Variants in ROBO2 observed in about 807,000 individuals in gnomAD.
The protein encoded by ROBO2 is roundabout guidance receptor 2, also known as roundabout homolog 2.
Under a neutral mutation model 160.8 loss-of-function variants are expected in ROBO2, and 53 were observed. That is an observed-to-expected ratio of 0.33 (90% CI 0.26 to 0.41). The LOEUF (loss-of-function observed/expected upper bound fraction) is 0.41, where lower values mean the gene tolerates loss of function less well. Ranked by LOEUF, ROBO2 falls within the 10% of genes least tolerant of loss-of-function variation. The probability of loss-of-function intolerance (pLI) is 1.00; values close to 1 mark genes in which losing one functional copy is unlikely to be tolerated. For missense variants in ROBO2, 1,577 were observed against 1,722.4 expected, an observed-to-expected ratio of 0.92 and a Z score of 1.49; for synonymous variants, 664 against 611.7, an observed-to-expected ratio of 1.09 and a Z score of -1.26.
At chr3:77,310,872 A>G (rs1429400670) in intron 2 of ROBO2, among the ~76,000 whole-genome samples, 2 of 151,922 alleles carry the variant, frequency 1.3e-5, no homozygotes, top group Non-Finnish European at 2.9e-5. Flanking sequence ...AAAATAAAAG[A>G]ACAGAAACTC....
chr3:77,267,809 C>G (rs1442194176), intron 2 of ROBO2, among the ~76,000 whole-genome samples: 1 of 152,120 alleles, frequency 6.6e-6, no homozygotes, highest in Non-Finnish European at 1.5e-5. Context: ...CCTCCGCTCT[C>G]TTCCTCTCTC....
chr3:76,712,354 T>C (rs1003545513), intron 2 of ROBO2, among the ~76,000 whole-genome samples: 4 of 152,066 alleles, frequency 2.6e-5, no homozygotes, highest in African/African-American at 9.7e-5. Flanking sequence ...CAGGACTTGA[T>C]CCTATATTTA....
At chr3:76,877,119 A>T (rs1175406942) in intron 2 of ROBO2, among the ~76,000 whole-genome samples, 3 of 152,232 alleles carry the variant, frequency 2.0e-5, no homozygotes, top group Admixed American at 6.5e-5. Context: ...GTACATGAAC[A>T]TGTAATATAA....
intron 2 of ROBO2, among the ~76,000 whole-genome samples, chr3:76,129,579 T>C (rs1265883918): frequency 6.6e-6 from 1 of 152,158 alleles, no homozygotes; most frequent in Non-Finnish European, 1.5e-5. Flanking sequence ...AGAGCTCTTA[T>C]TAGTCCCATT....
intron 2 of ROBO2, among the ~76,000 whole-genome samples, chr3:76,197,425 C>A (rs1215087323): frequency 2.3e-4 from 28 of 122,850 alleles, no homozygotes; most frequent in East Asian, 2.6e-4. Context: ...TGGATCTGGG[C>A]CTGCCTTTCT....
rs76571990 is a variant in ROBO2 at position 77,522,744 on chromosome 3, A to G, written c.807-31A>G. 8.3e-3 allele frequency: 13,286 copies of G among 1,600,392 alleles called. 810 individuals are homozygous for G. The African/African-American group carries it at 0.15, about 18-fold the overall frequency. ...TGTTATTATCCGTATAGCTACTACT[A>G]TTTAATAAAACCAGTTCATTTTCTA... is the stretch of plus-strand genomic sequence containing the variant. On this transcript the variant is annotated intron_variant, in intron 5 of 25. Transcript: ENST00000461745.
intron 2 of ROBO2, among the ~76,000 whole-genome samples, chr3:76,352,493 G>C (rs529331870): frequency 1.3e-5 from 2 of 152,096 alleles, no homozygotes; most frequent in African/African-American, 4.8e-5. Context: ...GAATAATTAT[G>C]TGGAGCTACT....
At chr3:76,059,657 A>C (rs2067997616) in intron 2 of ROBO2, among the ~76,000 whole-genome samples, 1 of 152,170 alleles carries the variant, frequency 6.6e-6, no homozygotes, top group Non-Finnish European at 1.5e-5. Context: ...TAGTTTAATT[A>C]GATCCTATCT....
chr3:77,066,878 A>G (rs1307561924), intron 1 of ROBO2, among the ~76,000 whole-genome samples: 1 of 152,094 alleles, frequency 6.6e-6, no homozygotes, highest in Non-Finnish European at 1.5e-5. Flanking sequence ...TCCTTGCACT[A>G]CTTTTAAAAA....
intron 2 of ROBO2, among the ~76,000 whole-genome samples, chr3:77,243,425 C>T (rs958014609): frequency 4.6e-5 from 7 of 152,144 alleles, no homozygotes; most frequent in African/African-American, 7.2e-5. Context: ...TTTGAACACC[C>T]TGATCTGGAG....
At chr3:76,434,888 C>T in intron 2 of ROBO2, 15 of 1,591,176 alleles carry the variant, frequency 9.4e-6, no homozygotes, top group East Asian at 2.2e-5. Context: ...TATGCAGTGG[C>T]CCCAAGCCAT....
chr3:76,676,850 C>G lies in ROBO2; in HGVS notation c.110-421164C>G, dbSNP rs2092423754. ...CAGGCCACTTCAAACTTCTTCTGTC[C>G]CTTTTTCTTATCATTTGAGGTTTCT... On this transcript the variant is annotated intron_variant, in intron 2 of 26. Coordinates refer to the ROBO2 transcript ENST00000487694. 2.0e-5 allele frequency among the ~76,000 whole-genome samples: 3 copies of G among 152,088 alleles called. No homozygotes were observed. In the South Asian group the frequency reaches 6.2e-4, roughly 32 times the overall value.
chr3:76,890,198 G>A (rs890265996), intron 2 of ROBO2, among the ~76,000 whole-genome samples: 15 of 150,356 alleles, frequency 1.0e-4, no homozygotes, highest in Admixed American at 7.4e-4. Context: ...AGTGCCAGGC[G>A]TTGAACTAAG....
chr3:76,753,578 T>G (rs1248043529), intron 2 of ROBO2, among the ~76,000 whole-genome samples: 1 of 151,864 alleles, frequency 6.6e-6, no homozygotes, highest in African/African-American at 2.4e-5. Flanking sequence ...CTAAAACAAT[T>G]TCTTCAAAGG....
chr3:77,545,471 A>G (rs2092663389), intron 6 of ROBO2, among the ~76,000 whole-genome samples: 1 of 152,068 alleles, frequency 6.6e-6, no homozygotes, highest in Non-Finnish European at 1.5e-5. Context: ...TGTGTTTCGT[A>G]TATATACAAT....
chr3:75,975,660 G>A lies in ROBO2; in HGVS notation c.109+38058G>A, dbSNP rs1273408958. On this transcript the variant is annotated intron_variant, in intron 2 of 26. Transcript: ENST00000487694. ...TTAATCAACAATGTGGTTGATGGAA[G>A]CCTTAAGAAAATTACCTGCTCTGAT... is the stretch of plus-strand genomic sequence containing the variant. Among the ~76,000 whole-genome samples the A allele has an allele frequency of 2.6e-5, 4 of 151,498 alleles. No individual in the cohort carries two copies. The Admixed American group carries it at 2.6e-4, about 10-fold the overall frequency.
chr3:77,464,989 AT>A (rs1464395056), intron 2 of ROBO2, among the ~76,000 whole-genome samples: 1 of 152,194 alleles, frequency 6.6e-6, no homozygotes, highest in Non-Finnish European at 1.5e-5. Context: ...CCACTAATTT[AT>A]TTCAAAAATT....
chr3:77,272,624 A>G (rs891194168), intron 2 of ROBO2, among the ~76,000 whole-genome samples: 2 of 152,174 alleles, frequency 1.3e-5, no homozygotes, highest in Non-Finnish European at 2.9e-5. Flanking sequence ...TAAAATTGTT[A>G]AGGATGGGGA....
chr3:77,374,218 A>G (rs1046395941), intron 2 of ROBO2, among the ~76,000 whole-genome samples: 1 of 151,392 alleles, frequency 6.6e-6, no homozygotes, highest in African/African-American at 2.4e-5. Flanking sequence ...GACTAAAGAA[A>G]AAAACAAACT....
Sources: allele counts gnomAD v4.1 joint callset (sites outside exome capture counted in the v4.1 genomes callset), GRCh38; gene constraint gnomAD v4.1.1; transcripts MANE v1.5; gene names NCBI Gene and HGNC (gene_info 2026-07-23, HGNC 2026-07-21).